The following ASCC3 variants were observed in gnomAD, a reference collection of about 807,000 sequenced individuals.
The protein encoded by ASCC3 is activating signal cointegrator 1 complex subunit 3.
A neutral mutation model predicts 256.3 loss-of-function variants in ASCC3; 158 were observed. The ratio of observed to expected loss-of-function variants is 0.62; its 90% CI spans 0.54 to 0.70. ASCC3 has a LOEUF of 0.70. Ranked by LOEUF, ASCC3 falls within the 30% of genes least tolerant of loss-of-function variation. The probability of loss-of-function intolerance (pLI) is 0.00; values close to 1 mark genes in which losing one functional copy is unlikely to be tolerated. For missense variants in ASCC3, 2,259 were observed against 2,626.0 expected, an observed-to-expected ratio of 0.86 and a Z score of 3.05; for synonymous variants, 948 against 883.4, an observed-to-expected ratio of 1.07 and a Z score of -1.30.
At chr6:100,692,463 C>T (rs1241665447) in intron 13 of ASCC3, among the ~76,000 whole-genome samples, 1 of 151,882 alleles carries the variant, frequency 6.6e-6, no homozygotes, top group Non-Finnish European at 1.5e-5. Context: ...GCTTGAACAT[C>T]AACTCCAGTT....
At chr6:100,792,609 T>C (rs1769405493) in intron 8 of ASCC3, among the ~76,000 whole-genome samples, 1 of 151,958 alleles carries the variant, frequency 6.6e-6, no homozygotes, top group Non-Finnish European at 1.5e-5. Flanking sequence ...CCTTATATAG[T>C]CCAACTATTT....
At chr6:100,762,903 TA>T (rs1257199491) in intron 10 of ASCC3, among the ~76,000 whole-genome samples, 2 of 151,984 alleles carry the variant, frequency 1.3e-5, no homozygotes, top group African/African-American at 4.8e-5. Context: ...TTCCTATATT[TA>T]AAAAAAGATT....
At chr6:100,811,202 C>T (rs1240130138) in intron 4 of ASCC3, among the ~76,000 whole-genome samples, 1 of 152,152 alleles carries the variant, frequency 6.6e-6, no homozygotes, top group Admixed American at 6.6e-5. Context: ...TTGCACAGTC[C>T]TGCTCTTACA....
chr6:100,628,303 T>C (rs114729215), intron 27 of ASCC3, among the ~76,000 whole-genome samples: 2,261 of 152,200 alleles, frequency 0.015, 43 homozygotes, highest in African/African-American at 0.052. Flanking sequence ...AATGTTTCAG[T>C]TGGACAGGAG....
intron 36 of ASCC3, among the ~76,000 whole-genome samples, chr6:100,555,599 C>T (rs1438433749): frequency 6.6e-6 from 1 of 152,120 alleles, no homozygotes; most frequent in East Asian, 1.9e-4. Context: ...ACATCTATTT[C>T]CCAGGATTTA....
intron 36 of ASCC3, among the ~76,000 whole-genome samples, chr6:100,581,239 A>C (rs1771234193): frequency 6.6e-6 from 1 of 152,170 alleles, no homozygotes; most frequent in Non-Finnish European, 1.5e-5. Context: ...GTTCTCCAGC[A>C]CCTGTTGTTT....
chr6:100,576,692 C>T (rs1232008895), intron 36 of ASCC3, among the ~76,000 whole-genome samples: 1 of 151,654 alleles, frequency 6.6e-6, no homozygotes, highest in East Asian at 1.9e-4. Context: ...ATTTTTTAAT[C>T]GCTGTATGGA....
chr6:100,560,748 AACACACACAC>A (rs747539213), intron 36 of ASCC3, among the ~76,000 whole-genome samples: 1,857 of 133,932 alleles, frequency 0.014, 50 homozygotes, highest in African/African-American at 0.049. Flanking sequence ...ATCTTAGAGG[AACACACACAC>A]ACACACACAC....
At chr6:100,617,827 C>T (rs1773746961) in intron 30 of ASCC3, among the ~76,000 whole-genome samples, 1 of 152,192 alleles carries the variant, frequency 6.6e-6, no homozygotes, top group South Asian at 2.1e-4. Flanking sequence ...TATCTCAGCT[C>T]GCACTAAGAG....
chr6:100,608,084 A>ATATATT (rs1562160910), intron 30 of ASCC3, among the ~76,000 whole-genome samples: 1 of 129,536 alleles, frequency 7.7e-6, no homozygotes, highest in Non-Finnish European at 1.6e-5. Context: ...ATATATGTAT[A>ATATATT]TATATCTATA....
intron 3 of ASCC3, among the ~76,000 whole-genome samples, chr6:100,850,759 T>C (rs1251701487): frequency 6.6e-6 from 1 of 152,178 alleles, no homozygotes; most frequent in African/African-American, 2.4e-5. Flanking sequence ...TAAGAAAATA[T>C]ATGAAAATCT....
At chr6:100,753,591 T>A (rs1296386850) in intron 10 of ASCC3, among the ~76,000 whole-genome samples, 1 of 151,876 alleles carries the variant, frequency 6.6e-6, no homozygotes, top group Non-Finnish European at 1.5e-5. Context: ...TAGTGCACTA[T>A]AGCCTGAAAT....
At chr6:100,706,196 G>GC (rs1554217903) in intron 13 of ASCC3, among the ~76,000 whole-genome samples, 6 of 151,468 alleles carry the variant, frequency 4.0e-5, no homozygotes, top group Non-Finnish European at 7.4e-5. Flanking sequence ...TAGATAACGT[G>GC]AAAAACTGTT....
chr6:100,798,259 T>A (rs957380386), intron 8 of ASCC3, among the ~76,000 whole-genome samples: 4 of 152,072 alleles, frequency 2.6e-5, no homozygotes, highest in Non-Finnish European at 5.9e-5. Flanking sequence ...GATATAAAGA[T>A]AGTAATATTC....
chr6:100,585,634 C>T (rs1181258599), intron 36 of ASCC3, among the ~76,000 whole-genome samples: 2 of 152,152 alleles, frequency 1.3e-5, no homozygotes, highest in Non-Finnish European at 2.9e-5. Flanking sequence ...GAACTGTGTT[C>T]CTTTGGAGGA....
intron 8 of ASCC3, among the ~76,000 whole-genome samples, chr6:100,774,821 G>C (rs887987532): frequency 5.3e-5 from 8 of 152,034 alleles, no homozygotes; most frequent in African/African-American, 1.9e-4. Context: ...GTCGTTTAAA[G>C]GAAGAAAAAG....
At chr6:100,819,268 T>C (rs1770922657) in intron 4 of ASCC3, among the ~76,000 whole-genome samples, 1 of 151,962 alleles carries the variant, frequency 6.6e-6, no homozygotes, top group South Asian at 2.1e-4. Flanking sequence ...TACCTATGTA[T>C]CAAACCTACA....
chr6:100,819,896 A>T (rs969716981), intron 4 of ASCC3, among the ~76,000 whole-genome samples: 1 of 146,274 alleles, frequency 6.8e-6, no homozygotes, highest in Admixed American at 7.1e-5. Context: ...CTCAATATTA[A>T]CAATAATACA....
chr6:100,820,613 G>T (rs541425267), intron 4 of ASCC3, among the ~76,000 whole-genome samples: 96 of 151,936 alleles, frequency 6.3e-4, no homozygotes, highest in Non-Finnish European at 1.2e-3. Flanking sequence ...AACAGAATGA[G>T]CAACAAAAGA....
Sources: gnomAD v4.1 joint callset for allele counts (sites outside exome capture counted in the v4.1 genomes callset) on GRCh38, gnomAD v4.1.1 for gene constraint, MANE v1.5 for transcripts, NCBI Gene and HGNC (gene_info 2026-07-23, HGNC 2026-07-21) for gene names.